The following STK32B variants were observed in gnomAD, a reference collection of about 807,000 sequenced individuals.
STK32B encodes serine/threonine kinase 32B.
In STK32B, 43 loss-of-function variants were observed where a neutral mutation model predicts 52.6. The ratio of observed to expected loss-of-function variants is 0.82; its 90% confidence interval spans 0.64 to 1.05. The LOEUF (loss-of-function observed/expected upper bound fraction) is 1.05. STK32B is among the 50% of genes least tolerant of loss of function. The probability of loss-of-function intolerance (pLI) is 0.00; values close to 1 mark genes in which losing one functional copy is unlikely to be tolerated. For synonymous variants in STK32B, 238 were observed against 204.3 expected (o/e 1.17, Z -1.41); for missense variants, 621 against 534.6 (o/e 1.16, Z -1.59).
chr4:5,459,456 C>G (rs1399611230), intron 8 of STK32B, among the ~76,000 whole-genome samples: 2 of 152,212 alleles, frequency 1.3e-5, no homozygotes, highest in Admixed American at 1.3e-4. Context: ...AATGACAGTC[C>G]CGGGGCCAGG....
Position 5,168,361 on chromosome 4 carries a change from G to C in STK32B, c.171G>C (p.Gln57His). The C allele has an allele frequency of 6.2e-7, 1 of 1,613,984 alleles. No individual in the cohort carries two copies. The highest frequency in any genetic ancestry group is 8.5e-7 in the Non-Finnish European group (1 of 1,180,018). ...KMYAMKYMNK[Q>H]KCIERDEVRN... Reference sequence around the variant, plus strand: ...ATGCAATGAAGTACATGAACAAGCAGAAGTGCATCGAGAGGGATGAGGTTC... The same window carrying C: ...ATGCAATGAAGTACATGAACAAGCACAAGTGCATCGAGAGGGATGAGGTTC... The change falls in exon 3 of 12, where the codon CAG becomes CAC. Residue 57 changes from glutamine to histidine, a missense_variant. Coordinates refer to ENST00000282908, the MANE Select transcript of STK32B (RefSeq NM_018401.3).
chr4:5,495,606 C>G (rs1209244455), intron 11 of STK32B, among the ~76,000 whole-genome samples: 1 of 152,220 alleles, frequency 6.6e-6, no homozygotes. Context: ...CAGCTTTGTT[C>G]CGTTGCTGGT....
the STK32B span, among the ~76,000 whole-genome samples, chr4:5,036,684 T>TC: frequency 8.6e-4 from 98 of 114,168 alleles, no homozygotes; most frequent in African/African-American, 2.9e-3. Flanking sequence ...TTTTTTTTTT[T>TC]CGAGATGGAG....
intron 6 of STK32B, among the ~76,000 whole-genome samples, chr4:5,421,142 T>C (rs185675130): frequency 6.6e-6 from 1 of 151,002 alleles, no homozygotes; most frequent in African/African-American, 2.4e-5. Flanking sequence ...CAGCCTGGAG[T>C]GCAGTGGCGT....
In STK32B at chr4:5,428,968, C is replaced by G. The variant is rs189087979; in HGVS notation, c.562+12034C>G. ...TGGTTTGCTGGTAAATGTCTAACAG[C>G]TAGTTCTCTGGTAAAGAATAAACAA... On this transcript the variant is annotated intron_variant, in intron 6 of 11. Transcript: ENST00000282908. Among the ~76,000 whole-genome samples the G allele has an allele frequency of 4.3e-4, 66 of 152,262 alleles. No individual in the cohort carries two copies. In the East Asian group the frequency reaches 0.011, roughly 26 times the overall value.
rs1735710384 is a variant in STK32B at position 5,378,321 on chromosome 4, G to C, written c.435-19886G>C. Among the ~76,000 whole-genome samples, 1 of 152,194 alleles carries C rather than the reference G, an allele frequency of 6.6e-6. No homozygotes were observed. The highest frequency in any genetic ancestry group is 2.1e-4 in the South Asian group (1 of 4,832). On this transcript the variant is annotated intron_variant, in intron 4 of 11. Transcript: ENST00000282908. This position sits in a 1 kb window ranked among gnomAD's most constrained non-coding sequence, Gnocchi z 4.4. Reference sequence around the variant, plus strand: ...AACGGTTTTCACACTTGAGGCTGCAGATCCATCACTTGGATCTGCAAAAGG... The same window carrying C: ...AACGGTTTTCACACTTGAGGCTGCACATCCATCACTTGGATCTGCAAAAGG...
chr4:5,405,708 AAAC>A (rs1208996931), intron 5 of STK32B, among the ~76,000 whole-genome samples: 1 of 152,244 alleles, frequency 6.6e-6, no homozygotes, highest in Non-Finnish European at 1.5e-5. Flanking sequence ...ACACTTTTAT[AAAC>A]AACAAGATCT....
At chr4:5,436,469 C>G (rs1357190977) in intron 6 of STK32B, 32 of 405,586 alleles carry the variant, frequency 7.9e-5, no homozygotes, top group Non-Finnish European at 1.1e-4. Flanking sequence ...ATGGGAAGAT[C>G]TTTTAGCAGG....
chr4:5,332,957 A>C (rs55849276), intron 4 of STK32B, among the ~76,000 whole-genome samples: 10 of 151,990 alleles, frequency 6.6e-5, no homozygotes, highest in Non-Finnish European at 1.0e-4. Flanking sequence ...AATAAACATA[A>C]GTGTGCATGT....
intron 4 of STK32B, among the ~76,000 whole-genome samples, chr4:5,390,246 G>T (rs1308672551): frequency 2.0e-5 from 3 of 152,256 alleles, no homozygotes; most frequent in African/African-American, 7.2e-5. Flanking sequence ...GTCATTGGCA[G>T]AGAAGACACA....
chr4:5,442,323 T>G (rs1303914528), intron 6 of STK32B, among the ~76,000 whole-genome samples: 1 of 152,144 alleles, frequency 6.6e-6, no homozygotes, highest in African/African-American at 2.4e-5. Flanking sequence ...AATAGTTAGC[T>G]CTTCTTGTTG....
At chr4:5,212,302 C>A (rs910703232) in intron 3 of STK32B, among the ~76,000 whole-genome samples, 1 of 152,122 alleles carries the variant, frequency 6.6e-6, no homozygotes, top group Admixed American at 6.6e-5. Context: ...AAAGTCAGAA[C>A]CAGGATTCAG....
chr4:5,182,857 C>A (rs945024567), intron 3 of STK32B, among the ~76,000 whole-genome samples: 3 of 152,198 alleles, frequency 2.0e-5, no homozygotes, highest in African/African-American at 7.2e-5. Flanking sequence ...ATGAAAACAA[C>A]ATTCATGTCT....
chr4:5,456,291 C>T (rs1716514023), intron 7 of STK32B, among the ~76,000 whole-genome samples: 1 of 152,230 alleles, frequency 6.6e-6, no homozygotes, highest in East Asian at 1.9e-4. Flanking sequence ...GGTGAGAAGT[C>T]AGGGGACGAG....
At chr4:5,044,407 C>G in the STK32B span, among the ~76,000 whole-genome samples, 1 of 152,260 alleles carries the variant, frequency 6.6e-6, no homozygotes, top group African/African-American at 2.4e-5. Flanking sequence ...TTTAACATGT[C>G]CCAGAGGGGA....
chr4:5,301,717 T>G (rs1387376376), intron 3 of STK32B, among the ~76,000 whole-genome samples: 1 of 149,768 alleles, frequency 6.7e-6, no homozygotes, highest in Non-Finnish European at 1.5e-5. Context: ...TTGTCACTTT[T>G]CCAAAGAATC....
intron 2 of STK32B, among the ~76,000 whole-genome samples, chr4:5,162,571 T>G (rs778965542): frequency 2.0e-5 from 3 of 152,200 alleles, no homozygotes; most frequent in Non-Finnish European, 4.4e-5. Context: ...CTAGCTAGCA[T>G]TTATTTATTT....
At chr4:5,142,964 T>C (rs75305103) in intron 2 of STK32B, among the ~76,000 whole-genome samples, 2,963 of 152,334 alleles carry the variant, frequency 0.019, 57 homozygotes, top group Admixed American at 0.06. Context: ...TGGTGGCCTT[T>C]GGACTGGAGT....
intron 4 of STK32B, among the ~76,000 whole-genome samples, chr4:5,360,348 A>G (rs903734107): frequency 6.6e-6 from 1 of 152,182 alleles, no homozygotes; most frequent in African/African-American, 2.4e-5. Flanking sequence ...CCAGCAGGGA[A>G]AAGACTAGAT....
Sources: allele counts gnomAD v4.1 joint callset (sites outside exome capture counted in the v4.1 genomes callset), GRCh38; gene constraint gnomAD v4.1.1; non-coding constraint Gnocchi (gnomAD v3.1); transcripts MANE v1.5; gene names NCBI Gene and HGNC (gene_info 2026-07-23, HGNC 2026-07-21).